ARHGAP6: variants seen among roughly 807,000 people sequenced by gnomAD.
ARHGAP6 encodes rho GTPase-activating protein 6.
A neutral mutation model predicts 55.7 loss-of-function variants in ARHGAP6; 16 were observed. The ratio of observed to expected loss-of-function variants is 0.29; its 90% CI spans 0.19 to 0.44. The LOEUF (loss-of-function observed/expected upper bound fraction) is 0.44, where lower values mean the gene tolerates loss of function less well. ARHGAP6 is among the 20% of genes least tolerant of loss of function. ARHGAP6 has a pLI of 1.00. For missense variants in ARHGAP6, 698 were observed against 808.9 expected (o/e 0.86, Z 1.66); for synonymous variants, 382 against 360.9 (o/e 1.06, Z -0.66).
intron 3 of ARHGAP6, among the ~76,000 whole-genome samples, chrX:11,192,924 C>G (rs960100834): frequency 1.8e-5 from 2 of 112,121 alleles, no homozygotes; most frequent in African/African-American, 6.5e-5. Context: ...CAGAAATTTT[C>G]TGAAGTTCTG....
chrX:11,457,538 AT>A (rs1350318635), intron 1 of ARHGAP6, among the ~76,000 whole-genome samples: 1 of 111,780 alleles, frequency 8.9e-6, no homozygotes, highest in African/African-American at 3.3e-5. Flanking sequence ...TTGAAAAGAT[AT>A]TCCAAAAGTG....
intron 1 of ARHGAP6, among the ~76,000 whole-genome samples, chrX:11,410,865 G>T (rs920856263): frequency 2.8e-5 from 3 of 109,067 alleles, no homozygotes; most frequent in African/African-American, 1.0e-4. Flanking sequence ...ATGAGCAAGA[G>T]AATTATAAAT....
chrX:11,384,325 A>T (rs1458233029), intron 1 of ARHGAP6, among the ~76,000 whole-genome samples: 1 of 112,268 alleles, frequency 8.9e-6, no homozygotes, highest in Non-Finnish European at 1.9e-5. Flanking sequence ...TGTTGTTACC[A>T]AGAAGCTTGA....
chrX:11,157,419 A>G (rs1161698132), intron 9 of ARHGAP6, among the ~76,000 whole-genome samples: 1 of 111,949 alleles, frequency 8.9e-6, no homozygotes, highest in Non-Finnish European at 1.9e-5. Context: ...GTAATTTGTT[A>G]GGCATCCAGT....
At chrX:11,471,240 G>A (rs2050343757) in intron 1 of ARHGAP6, among the ~76,000 whole-genome samples, 2 of 111,679 alleles carry the variant, frequency 1.8e-5, no homozygotes, top group Non-Finnish European at 3.8e-5. Context: ...TAATTATAAA[G>A]AGACAATTGT....
At chrX:11,413,726 G>GA (rs748598727) in intron 1 of ARHGAP6, among the ~76,000 whole-genome samples, 83 of 112,362 alleles carry the variant, frequency 7.4e-4, no homozygotes, top group Non-Finnish European at 9.0e-4. Flanking sequence ...GCACTGGTAA[G>GA]AATGGCAATG....
chrX:11,295,093 G>T (rs2048060805), intron 1 of ARHGAP6, among the ~76,000 whole-genome samples: 1 of 112,025 alleles, frequency 8.9e-6, no homozygotes, highest in Non-Finnish European at 1.9e-5. Context: ...CACCCCAGGA[G>T]ATTCTGTTGG....
intron 1 of ARHGAP6, among the ~76,000 whole-genome samples, chrX:11,434,124 A>G (rs1025316139): frequency 2.7e-5 from 3 of 111,964 alleles, no homozygotes; most frequent in African/African-American, 9.7e-5. Flanking sequence ...GTGGGTGGAG[A>G]CCAGAGATGC....
chrX:11,603,418 T>C (rs965568581), intron 1 of ARHGAP6, among the ~76,000 whole-genome samples: 1 of 112,018 alleles, frequency 8.9e-6, no homozygotes, highest in Non-Finnish European at 1.9e-5. Context: ...AATAATGCTC[T>C]AGAAAGTGTT....
At chrX:11,590,776 G>A (rs187412134) in intron 1 of ARHGAP6, among the ~76,000 whole-genome samples, 4,376 of 17,646 alleles carry the variant, frequency 0.25, 553 homozygotes, top group African/African-American at 0.42. Context: ...ACTCCATCTC[G>A]AAAAGAAAAG....
intron 1 of ARHGAP6, among the ~76,000 whole-genome samples, chrX:11,524,194 A>C (rs748020467): frequency 2.7e-5 from 3 of 111,972 alleles, no homozygotes; most frequent in Admixed American, 9.5e-5. Context: ...CCTCTTTCTG[A>C]GTAATGGATT....
chrX:11,405,882 A>G (rs544408869), intron 1 of ARHGAP6, among the ~76,000 whole-genome samples: 49 of 111,239 alleles, frequency 4.4e-4, no homozygotes, highest in African/African-American at 1.6e-3. Flanking sequence ...CATCTATAAA[A>G]TGATATAAAG....
At chrX:11,358,702 G>A (rs761080047) in intron 1 of ARHGAP6, among the ~76,000 whole-genome samples, 5 of 110,289 alleles carry the variant, frequency 4.5e-5, no homozygotes, top group Non-Finnish European at 7.6e-5. Context: ...GGACAGTCTC[G>A]AACTCCCAAC....
chrX:11,499,312 C>G (rs1490352445), intron 1 of ARHGAP6, among the ~76,000 whole-genome samples: 1 of 112,056 alleles, frequency 8.9e-6, no homozygotes, highest in Non-Finnish European at 1.9e-5. Flanking sequence ...AGTCATTCAT[C>G]TTTAGTCAGT....
At chrX:11,559,044 G>A (rs1428448251) in intron 1 of ARHGAP6, among the ~76,000 whole-genome samples, 1 of 105,009 alleles carries the variant, frequency 9.5e-6, no homozygotes, top group East Asian at 3.0e-4. Context: ...CAGCTATAGC[G>A]ACAGATCTTT....
intron 1 of ARHGAP6, among the ~76,000 whole-genome samples, chrX:11,423,778 T>C (rs2049850760): frequency 8.9e-6 from 1 of 112,007 alleles, no homozygotes; most frequent in Non-Finnish European, 1.9e-5. Flanking sequence ...AAATGAATGA[T>C]GTCAGTCCAG....
In ARHGAP6 at chrX:11,232,120, G is replaced by A. The variant is rs958004355; in HGVS notation, c.748+22428C>T. The stretch of plus-strand genomic sequence containing the variant: ...TGAGAACATCGCAAATGTCTTCTAG[G>A]TATTTTGAAATACATGATAACTACA... On this transcript the variant is annotated intron_variant, in intron 2 of 12. Transcript: ENST00000337414. 5.4e-5 allele frequency among the ~76,000 whole-genome samples: 6 copies of A among 111,883 alleles called. No individual in the cohort carries two copies. The East Asian group carries it at 1.4e-3, about 26-fold the overall frequency.
chrX:11,578,407 G>A (rs1481518241), intron 1 of ARHGAP6, among the ~76,000 whole-genome samples: 4 of 112,310 alleles, frequency 3.6e-5, no homozygotes, highest in African/African-American at 1.3e-4. Context: ...AGACATTTAT[G>A]CAGCCAATAG....
intron 1 of ARHGAP6, among the ~76,000 whole-genome samples, chrX:11,575,421 T>A (rs866634676): frequency 1.1e-4 from 12 of 111,902 alleles, no homozygotes; most frequent in South Asian, 3.7e-4. Flanking sequence ...TTGAGCACCT[T>A]AAAGTGAGGT....
Sources: allele counts gnomAD v4.1 joint callset (sites outside exome capture counted in the v4.1 genomes callset), GRCh38; gene constraint gnomAD v4.1.1; transcripts MANE v1.5; gene names NCBI Gene and HGNC (gene_info 2026-07-23, HGNC 2026-07-21).